The following VEPH1 variants were observed in gnomAD, a reference collection of about 807,000 sequenced individuals.
VEPH1 encodes ventricular zone expressed PH domain containing 1, also known as ventricular zone-expressed PH domain-containing protein homolog 1.
VEPH1 carries 80 observed loss-of-function variants against 85.2 expected under a neutral mutation model. The ratio of observed to expected loss-of-function variants is 0.94; its 90% confidence interval spans 0.78 to 1.13. VEPH1 has a LOEUF of 1.13. Among genes scored for constraint, VEPH1 ranks in the 50% most tolerant of loss-of-function variants. VEPH1 has a pLI of 0.00. For missense variants in VEPH1, 955 were observed against 980.5 expected, an observed-to-expected ratio of 0.97 and a Z score of 0.35; for synonymous variants, 297 against 348.0, an observed-to-expected ratio of 0.85 and a Z score of 1.63.
rs960743335 is a variant in VEPH1 at position 157,495,432 on chromosome 3, A to C, written c.-83T>G. The C allele has an allele frequency of 2.6e-6, 4 of 1,561,664 alleles. No individual in the cohort carries two copies. The African/African-American group carries it at 4.1e-5, about 16-fold the overall frequency. On this transcript the variant is annotated 5_prime_UTR_variant, in exon 2 of 14. The change abolishes an upstream ATG in the 5' untranslated region. Transcript: ENST00000362010. Reference sequence around the variant, plus strand: ...TATCAGAGGTCAGTAAGACAAAAACATGTAGAAGGAGGTATACTTCTTATT... The same window carrying C: ...TATCAGAGGTCAGTAAGACAAAAACCTGTAGAAGGAGGTATACTTCTTATT...
intron 4 of VEPH1, chr3:157,459,857 C>T (rs535016349): frequency 2.1e-5 from 32 of 1,536,952 alleles, no homozygotes; most frequent in Non-Finnish European, 2.7e-5. Flanking sequence ...CCACTCAGTA[C>T]ACAGAGATAA....
At chr3:157,356,003 G>A (rs933703883) in intron 9 of VEPH1, among the ~76,000 whole-genome samples, 3 of 151,314 alleles carry the variant, frequency 2.0e-5, no homozygotes, top group Non-Finnish European at 2.9e-5. Context: ...GGAGTCAAGC[G>A]ATTCTCTCAC....
intron 12 of VEPH1, among the ~76,000 whole-genome samples, chr3:157,272,552 G>T (rs530561115): frequency 6.7e-6 from 1 of 150,196 alleles, no homozygotes; most frequent in South Asian, 2.1e-4. Context: ...CCAGATCCTG[G>T]GCTCAAGTGA....
chr3:157,380,804 T>C (rs1384963323), intron 7 of VEPH1, among the ~76,000 whole-genome samples: 1 of 152,258 alleles, frequency 6.6e-6, no homozygotes, highest in Non-Finnish European at 1.5e-5. Context: ...TATCTCTCTA[T>C]ATATGTCTAG....
intron 4 of VEPH1, chr3:157,437,634 G>C: frequency 6.4e-7 from 1 of 1,551,674 alleles, no homozygotes; most frequent in Non-Finnish European, 8.7e-7. Context: ...TGCGGGGCGA[G>C]CTGCAGAGGC....
intron 9 of VEPH1, among the ~76,000 whole-genome samples, chr3:157,324,673 T>C (rs1721706177): frequency 6.6e-6 from 1 of 152,092 alleles, no homozygotes; most frequent in African/African-American, 2.4e-5. Context: ...TCTTGTTTTT[T>C]TTTTTTTATG....
At chr3:157,477,715 T>A (rs1368589121) in intron 2 of VEPH1, among the ~76,000 whole-genome samples, 1 of 152,138 alleles carries the variant, frequency 6.6e-6, no homozygotes. Context: ...TCTAGTGTGA[T>A]CCAATAGGCA....
intron 4 of VEPH1, among the ~76,000 whole-genome samples, chr3:157,444,886 T>A (rs937018854): frequency 1.3e-5 from 2 of 152,242 alleles, no homozygotes; most frequent in African/African-American, 4.8e-5. Flanking sequence ...GAGCAGTAAG[T>A]CTAGCTAGGA....
intron 9 of VEPH1, among the ~76,000 whole-genome samples, chr3:157,321,014 G>T (rs1721288283): frequency 6.6e-6 from 1 of 151,806 alleles, no homozygotes; most frequent in Non-Finnish European, 1.5e-5. Context: ...CATAACCTAT[G>T]CCATTATATA....
At chr3:157,270,416 T>A (rs1335853439) in intron 12 of VEPH1, among the ~76,000 whole-genome samples, 2 of 152,214 alleles carry the variant, frequency 1.3e-5, no homozygotes, top group Non-Finnish European at 2.9e-5. Context: ...TTAAACTGAA[T>A]TTTCTAGTGC....
chr3:157,379,140 C>T (rs1728475528), intron 7 of VEPH1, among the ~76,000 whole-genome samples: 1 of 152,198 alleles, frequency 6.6e-6, no homozygotes, highest in South Asian at 2.1e-4. Flanking sequence ...TCCAAGCCTC[C>T]ATGTTGCTTA....
rs534051689 is a variant in VEPH1, at chr3:157,452,370, G to A, written c.529+7811C>T. Among the ~76,000 whole-genome samples, 69 of 152,312 alleles carry A rather than the reference G, an allele frequency of 4.5e-4. No individual in the cohort carries two copies. In the South Asian group the frequency reaches 0.014, roughly 31 times the overall value. ...TGAAAGTCGGAGCTAGTTTTTGAAAGTTTGTCATGTGAAAGAGGAACGAGG... is the reference window on the plus strand; with the variant it reads ...TGAAAGTCGGAGCTAGTTTTTGAAAATTTGTCATGTGAAAGAGGAACGAGG... On this transcript the variant is annotated intron_variant, in intron 4 of 13. Coordinates refer to ENST00000362010, the MANE Select transcript of VEPH1 (RefSeq NM_001167912.2).
chr3:157,485,967 T>C (rs1346209717), intron 2 of VEPH1, among the ~76,000 whole-genome samples: 1 of 152,060 alleles, frequency 6.6e-6, no homozygotes, highest in Non-Finnish European at 1.5e-5. Flanking sequence ...CCTAACAAGC[T>C]TGACAAAATT....
intron 4 of VEPH1, among the ~76,000 whole-genome samples, chr3:157,431,029 G>T (rs1733107236): frequency 6.6e-6 from 1 of 152,130 alleles, no homozygotes. Flanking sequence ...ATCTCATCTT[G>T]AATTGTAATC....
chr3:157,503,506 C>T (rs984772876), upstream of VEPH1: 1 of 152,208 alleles, frequency 6.6e-6, no homozygotes, highest in Non-Finnish European at 1.5e-5. Context: ...CTTTTCTTCT[C>T]TCTCCCAAAC....
At chr3:157,488,341 C>G (rs993656949) in intron 2 of VEPH1, among the ~76,000 whole-genome samples, 1 of 152,096 alleles carries the variant, frequency 6.6e-6, no homozygotes, top group Non-Finnish European at 1.5e-5. Context: ...CTTGTCCAGT[C>G]ATAATGACCT....
At chr3:157,456,367 C>A (rs1257003412) in intron 4 of VEPH1, among the ~76,000 whole-genome samples, 1 of 152,126 alleles carries the variant, frequency 6.6e-6, no homozygotes, top group African/African-American at 2.4e-5. Flanking sequence ...TTAATTAGAT[C>A]ATATTTGTCA....
intron 7 of VEPH1, 120 bp downstream of exon 7, chr3:157,381,036 T>C: frequency 3.1e-6 from 3 of 953,588 alleles, no homozygotes; most frequent in Non-Finnish European, 4.9e-6. Flanking sequence ...TATACAGATA[T>C]TATTCTCTGT....
At chr3:157,429,375 C>A (rs1732976360) in intron 4 of VEPH1, among the ~76,000 whole-genome samples, 1 of 151,982 alleles carries the variant, frequency 6.6e-6, no homozygotes, top group African/African-American at 2.4e-5. Context: ...CATATATGGA[C>A]CTTCATTAAA....
Sources: gnomAD v4.1 joint callset for allele counts (sites outside exome capture counted in the v4.1 genomes callset) on GRCh38, gnomAD v4.1.1 for gene constraint, MANE v1.5 for transcripts, NCBI Gene and HGNC (gene_info 2026-07-23, HGNC 2026-07-21) for gene names.